The following GPM6A variants were observed in gnomAD, a reference collection of about 807,000 sequenced individuals.
The protein encoded by GPM6A is neuronal membrane glycoprotein M6-a.
A neutral mutation model predicts 32.1 loss-of-function variants in GPM6A; 7 were observed. The ratio of observed to expected loss-of-function variants is 0.22; its 90% confidence interval spans 0.12 to 0.41. The LOEUF is 0.41. Among genes scored for constraint, GPM6A ranks in the 10% least tolerant of loss-of-function variants. The pLI is 1.00. For missense variants in GPM6A, 235 were observed against 347.2 expected (o/e 0.68, Z 2.57); for synonymous variants, 130 against 123.4 (o/e 1.05, Z -0.35).
At chr4:175,834,391 T>C (rs561968268) in intron 1 of GPM6A, among the ~76,000 whole-genome samples, 52 of 152,290 alleles carry the variant, frequency 3.4e-4, no homozygotes, top group African/African-American at 1.2e-3. Context: ...ACAAAATCTT[T>C]AAAAAGTGAA....
chr4:175,842,860 G>A (rs577571828), intron 1 of GPM6A, among the ~76,000 whole-genome samples: 2 of 151,866 alleles, frequency 1.3e-5, no homozygotes, highest in Admixed American at 6.6e-5. Flanking sequence ...TGAATTAATG[G>A]CTCTATGGAG....
intron 1 of GPM6A, among the ~76,000 whole-genome samples, chr4:175,862,720 T>A (rs2111423257): frequency 1.3e-5 from 2 of 151,958 alleles, no homozygotes; most frequent in South Asian, 4.1e-4. Context: ...AAGCACAAGG[T>A]TTTATGTTTT....
intron 1 of GPM6A, among the ~76,000 whole-genome samples, chr4:175,763,126 A>G (rs1446071279): frequency 1.3e-5 from 2 of 152,228 alleles, no homozygotes; most frequent in African/African-American, 2.4e-5. Context: ...TTCATTAACA[A>G]TAACTACTTT....
At chr4:175,984,069 C>T (rs889107095) in intron 1 of GPM6A, among the ~76,000 whole-genome samples, 1 of 151,954 alleles carries the variant, frequency 6.6e-6, no homozygotes, top group Non-Finnish European at 1.5e-5. Flanking sequence ...CTCTAGTTAC[C>T]AGAGATCAGA....
At chr4:175,676,118 G>A (rs73020112) in intron 2 of GPM6A, among the ~76,000 whole-genome samples, 123 of 152,142 alleles carry the variant, frequency 8.1e-4, no homozygotes, top group African/African-American at 2.7e-3. Flanking sequence ...CTCTCTTGCC[G>A]CTATGTGAAA....
intron 1 of GPM6A, among the ~76,000 whole-genome samples, chr4:175,775,891 T>C (rs1005288163): frequency 6.6e-6 from 1 of 152,080 alleles, no homozygotes; most frequent in Non-Finnish European, 1.5e-5. Flanking sequence ...CCCAATGGAA[T>C]GAAAGCACAA....
intron 1 of GPM6A, among the ~76,000 whole-genome samples, chr4:175,734,157 TATA>T (rs1319219424): frequency 0.014 from 1,221 of 86,230 alleles, 11 homozygotes; most frequent in East Asian, 0.061. Flanking sequence ...TATATATATA[TATA>T]TTTTTTAATT....
intron 1 of GPM6A, among the ~76,000 whole-genome samples, chr4:175,933,548 A>G (rs1739120865): frequency 6.7e-6 from 1 of 150,258 alleles, no homozygotes; most frequent in African/African-American, 2.5e-5. Flanking sequence ...CTTACACGTA[A>G]TGTTCTTAGA....
intron 4 of GPM6A, among the ~76,000 whole-genome samples, chr4:175,646,283 T>C (rs1276794328): frequency 1.3e-5 from 2 of 152,214 alleles, no homozygotes. Flanking sequence ...GAAATGAATA[T>C]AGTTCAGTAA....
At chr4:175,835,742 AT>A (rs1382769321) in intron 1 of GPM6A, among the ~76,000 whole-genome samples, 2 of 147,058 alleles carry the variant, frequency 1.4e-5, no homozygotes, top group Admixed American at 6.8e-5. Flanking sequence ...ATAATATATT[AT>A]TTTTTCAAAT....
intron 2 of GPM6A, among the ~76,000 whole-genome samples, chr4:175,700,555 A>T (rs1486502709): frequency 6.6e-6 from 1 of 152,226 alleles, no homozygotes; most frequent in Non-Finnish European, 1.5e-5. Flanking sequence ...CTAACCATCC[A>T]GATACTCACT....
chr4:175,704,155 T>A (rs1312083386), intron 1 of GPM6A, among the ~76,000 whole-genome samples: 1 of 152,154 alleles, frequency 6.6e-6, no homozygotes, highest in Admixed American at 6.6e-5. Context: ...CTATTTTTAA[T>A]GCTGCTCACT....
chr4:175,817,875 CT>C (rs1330043420), intron 1 of GPM6A, among the ~76,000 whole-genome samples: 2 of 152,118 alleles, frequency 1.3e-5, no homozygotes, highest in African/African-American at 4.8e-5. Context: ...TGCTCCTTAG[CT>C]TTTTTAGAGT....
intron 1 of GPM6A, among the ~76,000 whole-genome samples, chr4:175,753,680 A>G (rs1732423003): frequency 6.6e-6 from 1 of 152,132 alleles, no homozygotes; most frequent in African/African-American, 2.4e-5. Flanking sequence ...TTTTAAACTA[A>G]CAGCCTCCTT....
chr4:175,684,616 C>G (rs974794057), intron 2 of GPM6A, among the ~76,000 whole-genome samples: 2 of 152,036 alleles, frequency 1.3e-5, no homozygotes, highest in African/African-American at 4.8e-5. Flanking sequence ...GTTGTTCCAA[C>G]ATCATTTATT....
chr4:175,799,013 T>A (rs1734351982), intron 1 of GPM6A, among the ~76,000 whole-genome samples: 1 of 152,222 alleles, frequency 6.6e-6, no homozygotes, highest in Admixed American at 6.5e-5. Context: ...AGTTCAAAGA[T>A]TTCAGTGGCT....
chr4:175,637,607 T>A (rs1221026877), intron 6 of GPM6A, among the ~76,000 whole-genome samples: 64 of 55,484 alleles, frequency 1.2e-3, no homozygotes, highest in Non-Finnish European at 2.0e-3. Context: ...ATGTAAAATA[T>A]ATAATATATA....
chr4:175,812,402 G>A, upstream of GPM6A: 2 of 1,297,218 alleles, frequency 1.5e-6, no homozygotes, highest in Non-Finnish European at 1.9e-6. Context: ...AGGCTCCCTC[G>A]TTCCTCTTGT....
intron 1 of GPM6A, among the ~76,000 whole-genome samples, chr4:175,998,280 A>T (rs1177004381): frequency 6.6e-6 from 1 of 151,812 alleles, no homozygotes; most frequent in Non-Finnish European, 1.5e-5. Flanking sequence ...CAGCTTCCCG[A>T]GTAGCTGGGA....
Sources: allele counts gnomAD v4.1 joint callset (sites outside exome capture counted in the v4.1 genomes callset), GRCh38; gene constraint gnomAD v4.1.1; transcripts MANE v1.5; gene names NCBI Gene and HGNC (gene_info 2026-07-23, HGNC 2026-07-21).